The following GGACT variants were observed in gnomAD, a reference collection of about 807,000 sequenced individuals.
The protein encoded by GGACT is gamma-glutamylamine cyclotransferase, also known as gamma-glutamylaminecyclotransferase.
For missense variants in GGACT, 241 were observed against 233.2 expected, an observed-to-expected ratio of 1.03 and a Z score of -0.22; for synonymous variants, 118 against 115.3, an observed-to-expected ratio of 1.02 and a Z score of -0.15.
chr13:100,532,346 C>T lies in GGACT; in HGVS notation c.246G>A (p.Glu82=). The change falls in exon 3 of 3, where the codon GAG becomes GAA. Residue 82 remains glutamate (E), a synonymous_variant. Coordinates refer to ENST00000683975, the MANE Select transcript of GGACT (RefSeq NM_001195087.2). ...TGCGCTGGTACAGGGCCGGGCAACT[C>T]TCGAAGTCATCCAGAAAGCGCAGCA... ...ERMLRFLDDF[E]SCPALYQRTV... is the part of the protein sequence containing the mutation. The T allele has an allele frequency of 6.4e-7, 1 of 1,550,644 alleles. No individual in the cohort carries two copies. Among genetic ancestry groups the T allele is most frequent in the Non-Finnish European group, 8.7e-7 (1 of 1,146,612 alleles).
intron 2 of GGACT, among the ~76,000 whole-genome samples, chr13:100,556,201 T>C (rs2088706849): frequency 6.6e-6 from 1 of 152,226 alleles, no homozygotes; most frequent in Non-Finnish European, 1.5e-5. Flanking sequence ...TTTTTGCAGT[T>C]AACATAACTG....
intron 2 of GGACT, among the ~76,000 whole-genome samples, chr13:100,563,768 A>G (rs1195538065): frequency 6.6e-6 from 1 of 152,272 alleles, no homozygotes. Context: ...GGAACAGGAA[A>G]GAGAAGAATG....
At chr13:100,537,374 G>A (rs1457576298) in intron 2 of GGACT, 1 of 152,422 alleles carries the variant, frequency 6.6e-6, no homozygotes, top group Admixed American at 6.5e-5. Flanking sequence ...TGTGGCACCA[G>A]AGTGAGGGCT....
intron 2 of GGACT, among the ~76,000 whole-genome samples, chr13:100,546,628 A>T (rs2088607699): frequency 6.6e-6 from 1 of 152,132 alleles, no homozygotes; most frequent in South Asian, 2.1e-4. Flanking sequence ...ATAAGCCATG[A>T]TCTCACCACT....
intron 2 of GGACT, among the ~76,000 whole-genome samples, chr13:100,532,956 A>C (rs1329469391): frequency 6.6e-6 from 1 of 152,212 alleles, no homozygotes; most frequent in Non-Finnish European, 1.5e-5. Flanking sequence ...ATGTGTCTGT[A>C]GCAGACAGGA....
chr13:100,544,089 G>A (rs1225816959), intron 2 of GGACT, among the ~76,000 whole-genome samples: 1 of 152,204 alleles, frequency 6.6e-6, no homozygotes, highest in African/African-American at 2.4e-5. Context: ...GCGATGTTGT[G>A]CACGTTTCCC....
intron 2 of GGACT, among the ~76,000 whole-genome samples, chr13:100,556,935 G>A (rs1324708759): frequency 6.6e-6 from 1 of 152,090 alleles, no homozygotes; most frequent in Non-Finnish European, 1.5e-5. Context: ...GTGCAGTGAT[G>A]CAATCTTGGC....
chr13:100,546,620 A>T (rs2088607671), intron 2 of GGACT, among the ~76,000 whole-genome samples: 1 of 152,138 alleles, frequency 6.6e-6, no homozygotes, highest in Non-Finnish European at 1.5e-5. Context: ...AGGCCACAAT[A>T]AGCCATGATC....
At chr13:100,550,056 G>C (rs2088642713) in intron 2 of GGACT, among the ~76,000 whole-genome samples, 2 of 152,102 alleles carry the variant, frequency 1.3e-5, no homozygotes, top group South Asian at 4.1e-4. Context: ...AAGGAAGAAG[G>C]GAGCGGGGAA....
Position 100,534,820 on chromosome 13 carries a change from T to C in GGACT, c.-10-2219A>G, listed in dbSNP as rs1459687945. Reference sequence around the variant, plus strand: ...CCCCAGTGCACCACCCAGAGGGTCCTTGTCAATCTCCTGCTGCAGACTTAA... The same window carrying C: ...CCCCAGTGCACCACCCAGAGGGTCCCTGTCAATCTCCTGCTGCAGACTTAA... On this transcript the variant is annotated intron_variant, in intron 2 of 2. Transcript: ENST00000683975. The surrounding 1 kb of genome is among the most constrained non-coding windows in gnomAD (Gnocchi z 4.9). Among the ~76,000 whole-genome samples, 1 of 152,104 alleles carries C rather than the reference T, an allele frequency of 6.6e-6. No individual in the cohort carries two copies. Among genetic ancestry groups the C allele is most frequent in the African/African-American group, 2.4e-5 (1 of 41,426 alleles).
chr13:100,532,394 C>G lies in GGACT; in HGVS notation c.198G>C (p.Glu66Asp), dbSNP rs1257311766. Residue 66 changes from glutamate to aspartate, a missense_variant, in exon 3 of 3, where the codon GAG (glutamate) becomes GAC (aspartate). Glu to Asp is a conservative substitution (Grantham distance 45). Transcript: ENST00000683975. ...LPGSGRLVEGEVYAVDERMLR... is the reference protein window; with the variant it reads ...LPGSGRLVEGDVYAVDERMLR... ...GCATCCGCTCGTCTACCGCGTAGAC[C>G]TCGCCCTCCACGAGGCGCCCCGAGC... 2 of 1,550,350 alleles carry G rather than the reference C, an allele frequency of 1.3e-6. No homozygotes were observed. The highest frequency in any genetic ancestry group is 1.7e-6 in the Non-Finnish European group (2 of 1,146,654).
chr13:100,588,347 A>G (rs866954072), intron 1 of GGACT, among the ~76,000 whole-genome samples: 5 of 152,206 alleles, frequency 3.3e-5, no homozygotes, highest in Admixed American at 6.5e-5. Flanking sequence ...TAAAATGAAA[A>G]ACAATTTCTG....
intron 2 of GGACT, among the ~76,000 whole-genome samples, chr13:100,546,327 A>G (rs1294236888): frequency 7.0e-6 from 1 of 143,754 alleles, no homozygotes; most frequent in Non-Finnish European, 1.5e-5. Flanking sequence ...GCGCCACTGC[A>G]CTCCAGCCTG....
At chr13:100,552,203 G>C (rs556735154) in intron 2 of GGACT, among the ~76,000 whole-genome samples, 1 of 152,302 alleles carries the variant, frequency 6.6e-6, no homozygotes, top group African/African-American at 2.4e-5. Context: ...GGCTCTCCAG[G>C]AACTGATTTT....
chr13:100,563,856 A>G (rs548811907), intron 2 of GGACT, among the ~76,000 whole-genome samples: 2 of 152,306 alleles, frequency 1.3e-5, no homozygotes, highest in East Asian at 1.9e-4. Flanking sequence ...ACCATGCTGG[A>G]AAGAGGGGAA....
chr13:100,568,454 A>G lies in GGACT; in HGVS notation c.-11+15371T>C, dbSNP rs1874979469. Among the ~76,000 whole-genome samples the G allele has an allele frequency of 2.0e-5, 3 of 152,258 alleles. No homozygotes were observed. In the South Asian group the frequency reaches 6.2e-4, roughly 31 times the overall value. ...CAGTGAAGGGGCAAGCCCCTTATAA[A>G]AGCATCAGATTTTGTGAGAACTAAC... On this transcript the variant is annotated intron_variant, in intron 2 of 2. Transcript: ENST00000683975.
chr13:100,568,105 A>G (rs1471617397), intron 2 of GGACT, among the ~76,000 whole-genome samples: 1 of 152,204 alleles, frequency 6.6e-6, no homozygotes, highest in Non-Finnish European at 1.5e-5. Flanking sequence ...AACTAGGCAC[A>G]TGGGTCACTG....
Position 100,557,018 on chromosome 13 carries a change from C to T in GGACT, c.-10-24417G>A, listed in dbSNP as rs1292860146. Among the ~76,000 whole-genome samples the T allele has an allele frequency of 1.8e-4, 28 of 152,060 alleles. No individual in the cohort carries two copies. In the East Asian group the frequency reaches 4.9e-3, roughly 27 times the overall value. ...GATTCTCATGCCTCAGCCTCCCAAG[C>T]AGCTGGGACTACAAGCATACACCAC... On this transcript the variant is annotated intron_variant, in intron 2 of 2. Coordinates refer to ENST00000683975, the MANE Select transcript of GGACT (RefSeq NM_001195087.2).
At chr13:100,585,179 T>C (rs772968692) in intron 1 of GGACT, among the ~76,000 whole-genome samples, 2 of 152,184 alleles carry the variant, frequency 1.3e-5, no homozygotes, top group Non-Finnish European at 2.9e-5. Flanking sequence ...ATCAACCAAG[T>C]AACATCGACA....
Sources: gnomAD v4.1 joint callset for allele counts (sites outside exome capture counted in the v4.1 genomes callset) on GRCh38, gnomAD v4.1.1 for gene constraint, Gnocchi (gnomAD v3.1) non-coding constraint, MANE v1.5 for transcripts, NCBI Gene and HGNC (gene_info 2026-07-23, HGNC 2026-07-21) for gene names.